The following MICAL1 variants were observed in gnomAD, a reference collection of about 807,000 sequenced individuals.
MICAL1 encodes the protein [F-actin]-monooxygenase MICAL1.
MICAL1 carries 95 observed loss-of-function variants against 131.8 expected under a neutral mutation model. The ratio of observed to expected loss-of-function variants is 0.72; its 90% CI spans 0.61 to 0.86. The LOEUF is 0.86. MICAL1 is among the 40% of genes least tolerant of loss of function. The probability of loss-of-function intolerance (pLI) is 0.00; values close to 1 mark genes in which losing one functional copy is unlikely to be tolerated. For missense variants in MICAL1, 1,292 were observed against 1,380.6 expected (o/e 0.94, Z 1.02); for synonymous variants, 546 against 554.2 (o/e 0.99, Z 0.21).
Position 109,446,340 on chromosome 6 carries a change from C to G in MICAL1, c.2377G>C (p.Gly793Arg). ...GGCTGGCTGGGATCTGGAACAGGAC[C>G]GGCCCCCTCCTGCGAGGCTGTGGGA... is the stretch of plus-strand genomic sequence containing the variant. ...STPTASQEGAGPVPDPSQPTR... is the reference protein window; with the variant it reads ...STPTASQEGARPVPDPSQPTR... Residue 793 changes from glycine (G) to arginine (R), a missense_variant, in exon 19 of 25, where the codon GGT becomes CGT. Coordinates refer to ENST00000358807, the MANE Select transcript of MICAL1 (RefSeq NM_022765.4). 1 of 1,613,330 alleles carries G rather than the reference C, an allele frequency of 6.2e-7. No individual in the cohort carries two copies. The highest frequency in any genetic ancestry group is 8.5e-7 in the Non-Finnish European group (1 of 1,179,866).
upstream of MICAL1, among the ~76,000 whole-genome samples, chr6:109,458,239 A>C (rs868475164): frequency 2.6e-5 from 4 of 152,254 alleles, no homozygotes; most frequent in South Asian, 6.2e-4. Context: ...ATACTGGCAC[A>C]ATCACATTGG....
At chr6:109,449,812 C>A in intron 9 of MICAL1, 29 bp from the exon 10 acceptor site, 1 of 1,596,296 alleles carries the variant, frequency 6.3e-7, no homozygotes. Context: ...GGGGCAGGGG[C>A]ATGAATGGGA....
intron 13 of MICAL1, 43 bp from the exon 14 acceptor site, chr6:109,448,006 A>G: frequency 6.4e-7 from 1 of 1,551,728 alleles, no homozygotes. Context: ...GGGGGTGCCA[A>G]TACTGTACTC....
At position 109,452,374 on chromosome 6, in the gene MICAL1, T is replaced by G. The variant is rs1775578954; in HGVS notation, c.704A>C (p.Lys235Thr). The change falls in exon 6 of 25, where the codon AAA becomes ACA. Residue 235 changes from lysine (K) to threonine (T), a missense_variant. Coordinates refer to ENST00000358807, the MANE Select transcript of MICAL1 (RefSeq NM_022765.4). ...GTTGGCTGTGATGCCAATGGCCAGT[T>G]TGCCTCGCATTTCTCGAACTTTGAA... ...EGFKVREMRG[K>T]LAIGITANFV... is the part of the protein sequence containing the mutation. 6.2e-7 allele frequency: 1 copy of G among 1,614,186 alleles called. No homozygotes were observed.
rs754312834 is a variant in MICAL1 at position 109,445,845 on chromosome 6, T to C, written c.2599A>G (p.Lys867Glu). The change falls in exon 20 of 25, where the codon AAG becomes GAG. Residue 867 changes from lysine (K) to glutamate (E), a missense_variant. Lys to Glu is a moderately conservative substitution (Grantham distance 56). Coordinates refer to ENST00000358807, the MANE Select transcript of MICAL1 (RefSeq NM_022765.4). ...QSPQALVAMEKEEKESPFSSE... is the reference protein window; with the variant it reads ...QSPQALVAMEEEEKESPFSSE... ...GAGAAGGGACTCTCTTTTTCCTCCT[T>C]CTCCATGGCCACAAGAGCTGAGAAG... 9 of 1,606,000 alleles carry C rather than the reference T, an allele frequency of 5.6e-6. No individual in the cohort carries two copies. In the East Asian group the frequency reaches 1.1e-4, roughly 20 times the overall value.
chr6:109,453,223 TG>T, intron 4 of MICAL1, 39 bp downstream of exon 4: 2 of 1,527,752 alleles, frequency 1.3e-6, no homozygotes, highest in Non-Finnish European at 9.1e-7. Context: ...AAGTTCTTGA[TG>T]GGGGAGGGGG....
rs749542932 is a variant in MICAL1 at position 109,447,129 on chromosome 6, C to T, written c.2171G>A (p.Cys724Tyr). Residue 724 changes from cysteine to tyrosine, a missense_variant, in exon 17 of 25, where the codon TGC (cysteine) becomes TAC (tyrosine). By Grantham distance (194) the Cys-to-Tyr change is radical. Transcript: ENST00000358807. ...GHFFHRSCFR[C>Y]HTCEATLWPG... ...CCACAGTGTGGCCTCACAGGTATGG[C>T]AGCGGAAGCAGCTCCGGTGGAAGAA... 6 of 1,614,084 alleles carry T rather than the reference C, an allele frequency of 3.7e-6. No homozygotes were observed. The highest frequency in any genetic ancestry group is 5.1e-6 in the Non-Finnish European group (6 of 1,180,038).
chr6:109,445,716 GT>G, intron 20 of MICAL1, 54 bp downstream of exon 20: 5 of 1,574,292 alleles, frequency 3.2e-6, no homozygotes, highest in Non-Finnish European at 4.3e-6. Flanking sequence ...ACCAGTGCAG[GT>G]TTCTCCTGTA....
At chr6:109,449,947 ATC>A in intron 9 of MICAL1, 21 bp downstream of exon 9, 2 of 1,611,784 alleles carry the variant, frequency 1.2e-6, no homozygotes, top group Non-Finnish European at 1.7e-6. Context: ...CCCTGCCCAC[ATC>A]CTCCTCAACT....
intron 17 of MICAL1, 27 bp from the exon 18 acceptor site, chr6:109,446,799 C>A: frequency 6.2e-7 from 1 of 1,604,062 alleles, no homozygotes. Context: ...GGGGAGGAGG[C>A]ATTTGGTGTG....
chr6:109,447,819 GGTAC>G, intron 14 of MICAL1, 52 bp downstream of exon 14: 1 of 1,611,454 alleles, frequency 6.2e-7, no homozygotes, highest in African/African-American at 1.3e-5. Flanking sequence ...ATCTCCACTG[GGTAC>G]CCCCCTGCCC....
Position 109,449,472 on chromosome 6 carries a change from G to C in MICAL1, c.1444C>G (p.Leu482Val). The change falls in exon 11 of 25, where the codon CTG becomes GTG. Residue 482 changes from leucine (L) to valine (V), a missense_variant. Transcript: ENST00000358807. ...RAVTPNQVRDLYDVLAKEPVQ... is the reference protein window; with the variant it reads ...RAVTPNQVRDVYDVLAKEPVQ... ...GGCTCCTTGGCTAGCACATCATACA[G>C]GTCTCGTACCTAAGGCAGCCCCGCT... The C allele has an allele frequency of 6.2e-7, 1 of 1,614,194 alleles. No homozygotes were observed. Among genetic ancestry groups the C allele is most frequent in the Non-Finnish European group, 8.5e-7 (1 of 1,180,022 alleles).
At position 109,451,680 on chromosome 6, in the gene MICAL1, C is replaced by T. The variant is rs775760431; in HGVS notation, c.853G>A (p.Val285Met). 1.9e-6 allele frequency: 3 copies of T among 1,614,014 alleles called. No homozygotes were observed. Among genetic ancestry groups the T allele is most frequent in the Non-Finnish European group, 2.5e-6 (3 of 1,179,940 alleles). Residue 285 changes from valine to methionine, a missense_variant, in exon 7 of 25, where the codon GTG becomes ATG. Transcript: ENST00000358807. Reference sequence around the variant, plus strand: ...TAGTGGGTGTCGTCCTTGTAGTACACAATGTTCTCCAGATCAATGCCTGGG... The same window carrying T: ...TAGTGGGTGTCGTCCTTGTAGTACATAATGTTCTCCAGATCAATGCCTGGG... ...KATGIDLENI[V>M]YYKDDTHYFV...
In MICAL1 at chr6:109,449,645, C is replaced by T. The variant is rs776887737; in HGVS notation, c.1434+12G>A. On this transcript the variant is annotated intron_variant, in intron 10 of 24. Coordinates refer to ENST00000358807, the MANE Select transcript of MICAL1 (RefSeq NM_022765.4). The stretch of plus-strand genomic sequence containing the variant: ...GGCTTGGGAAGGCTGGTGGGTGTGT[C>T]GGGGGTCTGACCTGATTGGGGGTCA... The T allele has an allele frequency of 2.2e-5, 35 of 1,582,700 alleles. No homozygotes were observed. The highest frequency in any genetic ancestry group is 8.2e-5 in the South Asian group (7 of 85,160).
At chr6:109,452,696 T>C (rs765936797) in intron 4 of MICAL1, 81 bp from the exon 5 acceptor site, 7 of 1,018,594 alleles carry the variant, frequency 6.9e-6, no homozygotes, top group Non-Finnish European at 1.0e-5. Context: ...AGTGAAATCA[T>C]CAAAACGTGT....
chr6:109,465,722 T>C, exon 1 of MICAL1: 2 of 1,608,670 alleles, frequency 1.2e-6, no homozygotes, highest in South Asian at 1.1e-5. Context: ...AAACATCAGT[T>C]AGCCATCACA....
intron 1 of MICAL1, chr6:109,462,938 C>T (rs1203652099): frequency 6.6e-6 from 1 of 152,220 alleles, no homozygotes; most frequent in East Asian, 1.9e-4. Flanking sequence ...TTCTCAAGGA[C>T]ACATGAGAAG....
In MICAL1 at chr6:109,447,893, C is replaced by A. The variant is rs1775309019; in HGVS notation, c.1926G>T (p.Leu642=). 1 of 1,613,268 alleles carries A rather than the reference C, an allele frequency of 6.2e-7. No individual in the cohort carries two copies. The highest frequency in any genetic ancestry group is 8.5e-7 in the Non-Finnish European group (1 of 1,179,658). Residue 642 remains leucine (L), a synonymous_variant, in exon 14 of 25, where the codon CTG becomes CTT. Coordinates refer to ENST00000358807, the MANE Select transcript of MICAL1 (RefSeq NM_022765.4). ...VLFLSKLQRT[L]QRSRAKENAE... ...TCTCCACCTTGGCCCGGGATCGCTG[C>A]AGGGTCCTCTGAAGTTTACTAAGGA...
At chr6:109,460,085 C>T (rs1024158555), upstream of MICAL1, among the ~76,000 whole-genome samples, 1 of 115,896 alleles carries the variant, frequency 8.6e-6, no homozygotes, top group African/African-American at 4.2e-5. Flanking sequence ...GAATATAGTA[C>T]CACTTTTCAG....
Sources: gnomAD v4.1 joint callset for allele counts (sites outside exome capture counted in the v4.1 genomes callset) on GRCh38, gnomAD v4.1.1 for gene constraint, MANE v1.5 for transcripts, NCBI Gene and HGNC (gene_info 2026-07-23, HGNC 2026-07-21) for gene names.